LRP1B: variants seen among roughly 807,000 people sequenced by gnomAD.
The protein encoded by LRP1B is LDL receptor related protein 1B.
LRP1B carries 217 observed loss-of-function variants against 556.6 expected under a neutral mutation model. That is an observed-to-expected ratio of 0.39 (90% CI 0.35 to 0.44). LRP1B has a LOEUF of 0.44. Ranked by LOEUF, LRP1B falls within the 20% of genes least tolerant of loss-of-function variation. The pLI, the probability that LRP1B is intolerant of heterozygous loss-of-function variation, is 1.00. For synonymous variants in LRP1B, 2,047 were observed against 1,865.8 expected (o/e 1.10, Z -2.50); for missense variants, 5,053 against 5,620.8 (o/e 0.90, Z 3.23).
chr2:140,326,024 G>C, intron 79 of LRP1B, 146 bp from the exon 80 acceptor site: 1 of 597,184 alleles, frequency 1.7e-6, no homozygotes, highest in Non-Finnish European at 3.0e-6. Flanking sequence ...TGAAACTGTA[G>C]AAATTAGAAA....
chr2:141,095,694 T>G (rs544735823), intron 7 of LRP1B, among the ~76,000 whole-genome samples: 7 of 152,152 alleles, frequency 4.6e-5, no homozygotes, highest in Non-Finnish European at 1.0e-4. Context: ...GAACTCTCTT[T>G]GACAGGTTTT....
At position 141,792,509 on chromosome 2, in the gene LRP1B, C is replaced by T. The variant is rs141262086; in HGVS notation, c.205+17770G>A. Among the ~76,000 whole-genome samples the T allele has an allele frequency of 2.7e-3, 418 of 152,068 alleles. 2 individuals are homozygous for T. Among genetic ancestry groups the T allele is most frequent in the African/African-American group, 9.2e-3 (381 of 41,522 alleles). ...TCAGTTATTTAATTAAAATGAATCA[C>T]GTGTTGTATAGTATAGTTTGACTGC... On this transcript the variant is annotated intron_variant, in intron 2 of 90. Transcript: ENST00000389484.
chr2:141,145,922 C>CTTT (rs70991144), intron 7 of LRP1B, among the ~76,000 whole-genome samples: 82 of 66,960 alleles, frequency 1.2e-3, no homozygotes, highest in South Asian at 1.9e-3. Flanking sequence ...TTCTTTCTTT[C>CTTT]TTTTTTTTTT....
chr2:141,437,046 C>T (rs1238651935), intron 3 of LRP1B, among the ~76,000 whole-genome samples: 1 of 152,126 alleles, frequency 6.6e-6, no homozygotes, highest in Non-Finnish European at 1.5e-5. Flanking sequence ...GAATGACCCA[C>T]ATTTTACTGA....
chr2:140,343,372 A>G (rs1681491975), intron 77 of LRP1B, among the ~76,000 whole-genome samples: 1 of 151,624 alleles, frequency 6.6e-6, no homozygotes, highest in South Asian at 2.1e-4. Flanking sequence ...ATACTCTTTA[A>G]TCTCGCATTT....
intron 1 of LRP1B, among the ~76,000 whole-genome samples, chr2:141,879,385 G>A (rs529496342): frequency 6.6e-6 from 1 of 151,886 alleles, no homozygotes; most frequent in African/African-American, 2.4e-5. Flanking sequence ...AAATGCACTA[G>A]GAAAATATGA....
intron 1 of LRP1B, among the ~76,000 whole-genome samples, chr2:142,046,541 G>A (rs527249750): frequency 2.6e-5 from 4 of 151,882 alleles, no homozygotes; most frequent in Non-Finnish European, 5.9e-5. Context: ...GGTAAGAGAG[G>A]AATAAACAGC....
At chr2:140,513,383 A>C (rs989640867) in intron 51 of LRP1B, among the ~76,000 whole-genome samples, 1 of 152,082 alleles carries the variant, frequency 6.6e-6, no homozygotes, top group Non-Finnish European at 1.5e-5. Flanking sequence ...AAGTAAGATA[A>C]TTTTAGAGAT....
At chr2:141,776,506 C>T (rs1236846587) in intron 2 of LRP1B, among the ~76,000 whole-genome samples, 1 of 152,130 alleles carries the variant, frequency 6.6e-6, no homozygotes, top group Non-Finnish European at 1.5e-5. Context: ...TGTTCCTGAA[C>T]AGTAGAGGAA....
intron 1 of LRP1B, among the ~76,000 whole-genome samples, chr2:142,086,633 AAAC>A (rs1284664002): frequency 3.4e-5 from 1 of 29,106 alleles, no homozygotes; most frequent in African/African-American, 6.9e-5. Flanking sequence ...ACAAACAAAC[AAAC>A]AAACAAAAAA....
At position 141,118,868 on chromosome 2, in the gene LRP1B, T is replaced by C. The variant is rs563687353; in HGVS notation, c.1014-56595A>G. 3.8e-4 allele frequency among the ~76,000 whole-genome samples: 57 copies of C among 151,882 alleles called. No homozygotes were observed. The South Asian group carries it at 0.011, about 30-fold the overall frequency. On this transcript the variant is annotated intron_variant, in intron 7 of 90. Coordinates refer to ENST00000389484, the MANE Select transcript of LRP1B (RefSeq NM_018557.3). ...AAATTCTCAAAGCTCAAAACAGACA[T>C]ACAAACATGTCCTTTAAGTTCAAAG...
chr2:141,035,951 T>C (rs977232657), intron 11 of LRP1B, among the ~76,000 whole-genome samples: 3 of 152,130 alleles, frequency 2.0e-5, no homozygotes, highest in African/African-American at 7.2e-5. Context: ...ACTATTTCCA[T>C]CTTGTTCCTC....
chr2:141,024,144 G>T (rs138829771), intron 11 of LRP1B, among the ~76,000 whole-genome samples: 20 of 152,084 alleles, frequency 1.3e-4, no homozygotes, highest in Non-Finnish European at 2.4e-4. Flanking sequence ...GAATGACATT[G>T]ATTTAATTAA....
At chr2:141,441,679 A>G (rs1680977975) in intron 3 of LRP1B, among the ~76,000 whole-genome samples, 1 of 152,230 alleles carries the variant, frequency 6.6e-6, no homozygotes, top group Non-Finnish European at 1.5e-5. Context: ...ACAGGAGCTG[A>G]TGCATAGAAT....
chr2:142,016,259 A>G (rs1444149641), intron 1 of LRP1B, among the ~76,000 whole-genome samples: 1 of 152,164 alleles, frequency 6.6e-6, no homozygotes, highest in African/African-American at 2.4e-5. Context: ...CCGTTGTGGA[A>G]GACAGTGTGG....
At chr2:140,508,896 A>T (rs72901730) in intron 52 of LRP1B, among the ~76,000 whole-genome samples, 23,596 of 152,112 alleles carry the variant, frequency 0.16, 2,309 homozygotes, top group Non-Finnish European at 0.22. Flanking sequence ...ATAATCCTTT[A>T]TTATGTAGCC....
chr2:141,223,102 T>G (rs1007056406), intron 6 of LRP1B, among the ~76,000 whole-genome samples: 1 of 152,174 alleles, frequency 6.6e-6, no homozygotes, highest in Non-Finnish European at 1.5e-5. Flanking sequence ...GAGTTGTCTT[T>G]GTTTGCAGAT....
intron 41 of LRP1B, among the ~76,000 whole-genome samples, chr2:140,674,940 A>C (rs1685618276): frequency 6.6e-6 from 1 of 152,256 alleles, no homozygotes; most frequent in South Asian, 2.1e-4. Context: ...GTTCAGTCTT[A>C]CAATCAAGAT....
chr2:140,775,453 TTTTTTTTTGGTTGA>T (rs1689460147), intron 33 of LRP1B, among the ~76,000 whole-genome samples: 1 of 64,754 alleles, frequency 1.5e-5, no homozygotes, highest in Admixed American at 1.7e-4. Flanking sequence ...GTACAGTATA[TTTTTTTTTGGTTGA>T]TTTTTTTTTT....
Sources: allele counts gnomAD v4.1 joint callset (sites outside exome capture counted in the v4.1 genomes callset), GRCh38; gene constraint gnomAD v4.1.1; transcripts MANE v1.5; gene names NCBI Gene and HGNC (gene_info 2026-07-23, HGNC 2026-07-21).